The following MGAT4C variants were observed in gnomAD, a reference collection of about 807,000 sequenced individuals.
MGAT4C encodes MGAT4 family member C.
A neutral mutation model predicts 40.1 loss-of-function variants in MGAT4C; 19 were observed. The ratio of observed to expected loss-of-function variants is 0.47; its 90% CI spans 0.33 to 0.70. MGAT4C has a LOEUF of 0.70. MGAT4C is among the 30% of genes least tolerant of loss of function. The pLI is 0.02. For missense variants in MGAT4C, 491 were observed against 563.2 expected (o/e 0.87, Z 1.30); for synonymous variants, 181 against 187.1 (o/e 0.97, Z 0.27).
At chr12:86,671,396 C>A (rs1260321748) in intron 2 of MGAT4C, among the ~76,000 whole-genome samples, 6 of 152,032 alleles carry the variant, frequency 3.9e-5, no homozygotes, top group East Asian at 1.9e-4. Flanking sequence ...ACAAAGGGAA[C>A]CCCATGAAGT....
rs549858867 is a variant in MGAT4C, at chr12:86,088,851, T to C, written c.-56-39128A>G. ...GCAGTGTGGTGATTCCTCAAGGACC[T>C]AAAAGTAGAACTTATTTTGCTGTCT... On this transcript the variant is annotated intron_variant, in intron 1 of 4. Transcript: ENST00000611864. 4.6e-5 allele frequency among the ~76,000 whole-genome samples: 7 copies of C among 152,188 alleles called. No homozygotes were observed. The South Asian group carries it at 1.4e-3, about 32-fold the overall frequency.
intron 2 of MGAT4C, among the ~76,000 whole-genome samples, chr12:86,507,099 T>C (rs909650149): frequency 1.3e-5 from 2 of 152,170 alleles, no homozygotes; most frequent in Admixed American, 6.6e-5. Context: ...AAAGTTATTA[T>C]GGCAAACAAC....
intron 3 of MGAT4C, among the ~76,000 whole-genome samples, chr12:85,986,611 T>C (rs1208646981): frequency 6.6e-6 from 1 of 152,246 alleles, no homozygotes; most frequent in East Asian, 1.9e-4. Flanking sequence ...GAGACCTTAC[T>C]ACTTCTAACT....
At chr12:86,833,731 C>T (rs759141165) in intron 1 of MGAT4C, among the ~76,000 whole-genome samples, 57 of 151,872 alleles carry the variant, frequency 3.8e-4, no homozygotes, top group Non-Finnish European at 1.3e-4. Context: ...AGACGCAATT[C>T]AAACCACATT....
intron 1 of MGAT4C, among the ~76,000 whole-genome samples, chr12:86,788,129 T>C (rs919733934): frequency 6.6e-6 from 1 of 151,052 alleles, no homozygotes; most frequent in Non-Finnish European, 1.5e-5. Flanking sequence ...ATGGGTGCTA[T>C]ATATATATAA....
intron 1 of MGAT4C, among the ~76,000 whole-genome samples, chr12:86,218,823 G>T (rs1278572620): frequency 6.6e-6 from 1 of 152,114 alleles, no homozygotes; most frequent in Non-Finnish European, 1.5e-5. Flanking sequence ...AATGATCTAT[G>T]TTAAACTATT....
At chr12:86,460,957 A>T (rs1445637828) in intron 2 of MGAT4C, among the ~76,000 whole-genome samples, 1 of 152,134 alleles carries the variant, frequency 6.6e-6, no homozygotes, top group African/African-American at 2.4e-5. Flanking sequence ...ACCTTAACAC[A>T]ATGCAAGAGT....
At chr12:86,673,393 A>G (rs1408634940) in intron 2 of MGAT4C, among the ~76,000 whole-genome samples, 3 of 152,168 alleles carry the variant, frequency 2.0e-5, no homozygotes, top group Non-Finnish European at 2.9e-5. Context: ...CACCCGTATC[A>G]TATATCATTC....
intron 2 of MGAT4C, among the ~76,000 whole-genome samples, chr12:86,624,224 G>T (rs768360045): frequency 6.6e-6 from 1 of 152,152 alleles, no homozygotes; most frequent in African/African-American, 2.4e-5. Context: ...AAAATGAGAT[G>T]TCCACAGGGG....
chr12:86,694,602 A>C lies in MGAT4C; in HGVS notation c.-229+32607T>G, dbSNP rs1476692765. 2.6e-5 allele frequency among the ~76,000 whole-genome samples: 4 copies of C among 152,306 alleles called. No individual in the cohort carries two copies. In the South Asian group the frequency reaches 6.2e-4, roughly 24 times the overall value. On this transcript the variant is annotated intron_variant, in intron 2 of 7. Coordinates refer to the MGAT4C transcript ENST00000548651. ...TCAGAATTATTTGAAAATAATAAAAATATGTCATGTCAGGGTCACTTTAGA... is the reference window on the plus strand; with the variant it reads ...TCAGAATTATTTGAAAATAATAAAACTATGTCATGTCAGGGTCACTTTAGA...
intron 2 of MGAT4C, among the ~76,000 whole-genome samples, chr12:86,510,381 A>G (rs1306714910): frequency 1.3e-5 from 2 of 152,200 alleles, no homozygotes; most frequent in African/African-American, 4.8e-5. Context: ...AGCCACTGCA[A>G]AAAAATGCCA....
chr12:86,450,662 A>G (rs1344572371), intron 2 of MGAT4C, among the ~76,000 whole-genome samples: 2 of 151,996 alleles, frequency 1.3e-5, no homozygotes, highest in African/African-American at 4.8e-5. Context: ...GATCCTTGGA[A>G]TTAATTACCT....
rs1369391484 is a variant in MGAT4C, at chr12:85,960,007, C to G, written c.*19282G>C. Reference sequence around the variant, plus strand: ...TATGGTTTTATTGTGAAGATCTGTGCAAATAGCTATATAAAATGCAATTCG... The same window carrying G: ...TATGGTTTTATTGTGAAGATCTGTGGAAATAGCTATATAAAATGCAATTCG... On this transcript the variant is annotated 3_prime_UTR_variant, in exon 5 of 5. Transcript: ENST00000611864. 6.6e-6 allele frequency: 1 copy of G among 151,832 alleles called. No individual in the cohort carries two copies. Among genetic ancestry groups the G allele is most frequent in the Non-Finnish European group, 1.5e-5 (1 of 67,894 alleles). 9.4% of individuals were successfully genotyped at this position (151,832 alleles called of 1,614,324 possible).
At chr12:86,789,910 C>G (rs1219616690) in intron 1 of MGAT4C, among the ~76,000 whole-genome samples, 2 of 152,066 alleles carry the variant, frequency 1.3e-5, no homozygotes, top group Non-Finnish European at 2.9e-5. Flanking sequence ...ATTCACTTGA[C>G]CTTTTTCAAC....
chr12:86,567,844 C>A (rs1960199113), intron 2 of MGAT4C, among the ~76,000 whole-genome samples: 2 of 152,056 alleles, frequency 1.3e-5, no homozygotes, highest in Admixed American at 1.3e-4. Context: ...AGGAAAATGT[C>A]TTCATTTTAT....
chr12:86,690,843 G>A (rs1034314347), intron 2 of MGAT4C, among the ~76,000 whole-genome samples: 2 of 152,052 alleles, frequency 1.3e-5, no homozygotes, highest in East Asian at 1.9e-4. Context: ...TTAATGGTCC[G>A]TCATCTTATG....
chr12:86,798,912 G>A (rs970457470), intron 1 of MGAT4C, among the ~76,000 whole-genome samples: 9 of 151,790 alleles, frequency 5.9e-5, no homozygotes, highest in African/African-American at 2.2e-4. Flanking sequence ...GAGTTGCCAT[G>A]TCTTAAAAAA....
In MGAT4C at chr12:86,831,777, C is replaced by T. The variant is rs372266954; in HGVS notation, c.-262+6889G>A. On this transcript the variant is annotated intron_variant, in intron 1 of 7. Coordinates refer to the MGAT4C transcript ENST00000548651. Reference sequence around the variant, plus strand: ...ATGTTGTATTAAGGTTCTACATAGGCACAAGCATATATTTTACTTGCATGA... The same window carrying T: ...ATGTTGTATTAAGGTTCTACATAGGTACAAGCATATATTTTACTTGCATGA... Among the ~76,000 whole-genome samples, 7 of 151,698 alleles carry T rather than the reference C, an allele frequency of 4.6e-5. No individual in the cohort carries two copies. The East Asian group carries it at 7.8e-4, about 17-fold the overall frequency.
chr12:86,695,232 C>T (rs559153753), intron 2 of MGAT4C, among the ~76,000 whole-genome samples: 11 of 152,252 alleles, frequency 7.2e-5, no homozygotes, highest in African/African-American at 1.9e-4. Context: ...CATCTCATCC[C>T]GGTTAAAATG....
Sources: allele counts gnomAD v4.1 joint callset (sites outside exome capture counted in the v4.1 genomes callset), GRCh38; gene constraint gnomAD v4.1.1; transcripts MANE v1.5; gene names NCBI Gene and HGNC (gene_info 2026-07-23, HGNC 2026-07-21).